KCNAB1: variants seen among roughly 807,000 people sequenced by gnomAD.
KCNAB1 encodes the protein potassium voltage-gated channel subfamily A regulatory beta subunit 1, also known as voltage-gated potassium channel subunit beta-1.
KCNAB1 carries 35 observed loss-of-function variants against 64.6 expected under a neutral mutation model. The observed-to-expected ratio is 0.54, with a 90% CI of 0.41 to 0.72. The LOEUF (loss-of-function observed/expected upper bound fraction) is 0.72, where lower values mean the gene tolerates loss of function less well. Ranked by LOEUF, KCNAB1 falls within the 30% of genes least tolerant of loss-of-function variation. The probability of loss-of-function intolerance (pLI) is 0.00; values close to 1 mark genes in which losing one functional copy is unlikely to be tolerated. For synonymous variants in KCNAB1, 177 were observed against 183.8 expected, an observed-to-expected ratio of 0.96 and a Z score of 0.30; for missense variants, 401 against 512.9, an observed-to-expected ratio of 0.78 and a Z score of 2.11.
intron 1 of KCNAB1, among the ~76,000 whole-genome samples, chr3:156,399,278 G>A (rs941809606): frequency 2.6e-5 from 4 of 152,176 alleles, no homozygotes; most frequent in Non-Finnish European, 4.4e-5. Context: ...CACAAAAATT[G>A]TGGAAAACGT....
chr3:156,449,477 A>T (rs1211146609), intron 2 of KCNAB1, among the ~76,000 whole-genome samples: 1 of 152,174 alleles, frequency 6.6e-6, no homozygotes, highest in Non-Finnish European at 1.5e-5. Flanking sequence ...CTCTTCCAAA[A>T]TGTGTGTACA....
At chr3:156,212,249 A>G (rs1008646162) in intron 1 of KCNAB1, among the ~76,000 whole-genome samples, 1 of 152,168 alleles carries the variant, frequency 6.6e-6, no homozygotes, top group African/African-American at 2.4e-5. Flanking sequence ...CTCAAGTCCA[A>G]GCAGAGAAAA....
chr3:156,402,690 G>A (rs1260424060), intron 1 of KCNAB1, among the ~76,000 whole-genome samples: 1 of 152,166 alleles, frequency 6.6e-6, no homozygotes, highest in Non-Finnish European at 1.5e-5. Context: ...TCTGGCAGTG[G>A]CCTATGTAAA....
chr3:156,450,658 C>T (rs762357695), intron 2 of KCNAB1, among the ~76,000 whole-genome samples: 10 of 152,096 alleles, frequency 6.6e-5, no homozygotes, highest in Non-Finnish European at 1.2e-4. Context: ...GCAATTTTTT[C>T]GCTTAATAAA....
intron 1 of KCNAB1, chr3:156,292,273 G>C: frequency 1.1e-6 from 1 of 900,992 alleles, no homozygotes. Flanking sequence ...TAGCTCTTTA[G>C]GGGGATGAAT....
chr3:156,156,893 A>G (rs1157684824), intron 1 of KCNAB1, among the ~76,000 whole-genome samples: 1 of 152,194 alleles, frequency 6.6e-6, no homozygotes, highest in East Asian at 1.9e-4. Flanking sequence ...GAGATAAGCA[A>G]GTAAGTGTAG....
chr3:156,522,074 A>T (rs1717977421), intron 11 of KCNAB1, among the ~76,000 whole-genome samples: 1 of 49,210 alleles, frequency 2.0e-5, no homozygotes, highest in South Asian at 5.1e-4. Flanking sequence ...AAGAAAGAGA[A>T]TGCACTGCAT....
intron 8 of KCNAB1, among the ~76,000 whole-genome samples, chr3:156,489,335 G>T (rs1715469399): frequency 1.3e-5 from 2 of 152,072 alleles, no homozygotes; most frequent in Non-Finnish European, 2.9e-5. Flanking sequence ...AAGAAATAAA[G>T]AAATCACATC....
chr3:156,211,101 C>CA (rs1482592802), intron 1 of KCNAB1, among the ~76,000 whole-genome samples: 1 of 151,712 alleles, frequency 6.6e-6, no homozygotes, highest in Non-Finnish European at 1.5e-5. Flanking sequence ...TGAGTGTGGG[C>CA]AGTGAAAAAA....
chr3:156,442,632 TAGA>T (rs1339417787), intron 2 of KCNAB1, among the ~76,000 whole-genome samples: 4 of 152,164 alleles, frequency 2.6e-5, no homozygotes, highest in Non-Finnish European at 5.9e-5. Flanking sequence ...GCACAGGCAT[TAGA>T]AGGTCAGCCT....
Position 156,195,021 on chromosome 3 carries a change from C to T in KCNAB1, c.275+74135C>T, listed in dbSNP as rs186899722. On this transcript the variant is annotated intron_variant, in intron 1 of 13. Transcript: ENST00000490337. ...TTATTGTTTAACTCCCACTTGTGAG[C>T]GAGAACATGCAATGTTTGGTTTTCT... Among the ~76,000 whole-genome samples the T allele has an allele frequency of 1.6e-3, 247 of 152,094 alleles. 4 individuals carry two copies. In the East Asian group the frequency reaches 0.017, roughly 11 times the overall value.
At chr3:156,324,578 C>G (rs1335178578) in intron 1 of KCNAB1, among the ~76,000 whole-genome samples, 2 of 152,158 alleles carry the variant, frequency 1.3e-5, no homozygotes, top group Admixed American at 1.3e-4. Flanking sequence ...GCCACACGCT[C>G]ACTTGACTGA....
intron 1 of KCNAB1, among the ~76,000 whole-genome samples, chr3:156,406,474 C>T (rs1051284037): frequency 6.6e-6 from 1 of 152,172 alleles, no homozygotes; most frequent in Non-Finnish European, 1.5e-5. Context: ...AAGTCACCAG[C>T]TCTTCCTGGG....
At chr3:156,169,921 A>G (rs1711849571) in intron 1 of KCNAB1, among the ~76,000 whole-genome samples, 1 of 152,192 alleles carries the variant, frequency 6.6e-6, no homozygotes, top group African/African-American at 2.4e-5. Flanking sequence ...GGACTAATAC[A>G]GTCTTCTTTC....
At chr3:156,354,836 A>C (rs1436242114) in intron 1 of KCNAB1, among the ~76,000 whole-genome samples, 1 of 152,164 alleles carries the variant, frequency 6.6e-6, no homozygotes, top group East Asian at 1.9e-4. Context: ...TACAACTTGC[A>C]ATGTATCTGG....
At chr3:156,335,197 C>T (rs984638114) in intron 1 of KCNAB1, among the ~76,000 whole-genome samples, 40 of 152,216 alleles carry the variant, frequency 2.6e-4, no homozygotes, top group Non-Finnish European at 5.4e-4. Flanking sequence ...TTATCCTTGG[C>T]ATTCCTTCAA....
intron 1 of KCNAB1, among the ~76,000 whole-genome samples, chr3:156,135,469 T>C (rs1313459604): frequency 6.6e-6 from 1 of 152,228 alleles, no homozygotes; most frequent in Non-Finnish European, 1.5e-5. Context: ...TAATGACTGC[T>C]TAATAGTGCC....
intron 1 of KCNAB1, among the ~76,000 whole-genome samples, chr3:156,153,795 G>C (rs988750381): frequency 1.3e-5 from 2 of 152,140 alleles, no homozygotes; most frequent in East Asian, 3.9e-4. Context: ...TTACACCATT[G>C]ACCCACCTGA....
At chr3:156,372,023 G>A (rs751011473) in intron 1 of KCNAB1, among the ~76,000 whole-genome samples, 21 of 152,096 alleles carry the variant, frequency 1.4e-4, no homozygotes, top group Non-Finnish European at 2.5e-4. Context: ...GCCGTCGCCC[G>A]AGACCACATG....
Sources: gnomAD v4.1 joint callset for allele counts (sites outside exome capture counted in the v4.1 genomes callset) on GRCh38, gnomAD v4.1.1 for gene constraint, MANE v1.5 for transcripts, NCBI Gene and HGNC (gene_info 2026-07-23, HGNC 2026-07-21) for gene names.